CTU2: variants seen among roughly 807,000 people sequenced by gnomAD.
CTU2 encodes the protein cytosolic thiouridylase subunit 2.
A neutral mutation model predicts 64.1 loss-of-function variants in CTU2; 80 were observed. The ratio of observed to expected loss-of-function variants is 1.25; its 90% CI spans 1.04 to 1.50. The LOEUF (loss-of-function observed/expected upper bound fraction) is 1.50. Among genes scored for constraint, CTU2 ranks in the 40% most tolerant of loss-of-function variants. The pLI, the probability that CTU2 is intolerant of heterozygous loss-of-function variation, is 0.00. For synonymous variants in CTU2, 482 were observed against 285.3 expected (o/e 1.69, Z -6.95); for missense variants, 1,110 against 690.2 (o/e 1.61, Z -6.81).
chr16:88,713,793 C>T lies in CTU2; in HGVS notation c.1005+15C>T. 2 of 1,611,338 alleles carry T rather than the reference C, an allele frequency of 1.2e-6. No individual in the cohort carries two copies. The highest frequency in any genetic ancestry group is 1.7e-4 in the Middle Eastern group (1 of 6,058). On this transcript the variant is annotated intron_variant, in intron 9 of 14. Transcript: ENST00000453996. ...TCGACACCAAGGTGGGCCTTGTGGGCTGGGCAACCTCTCTCACCATTGACA... is the reference window on the plus strand; with the variant it reads ...TCGACACCAAGGTGGGCCTTGTGGGTTGGGCAACCTCTCTCACCATTGACA...
chr16:88,714,812 C>T lies in CTU2; in HGVS notation c.1353-48C>T, dbSNP rs147469744. 1.6e-3 allele frequency: 2,573 copies of T among 1,610,962 alleles called. 19 individuals carry two copies. The highest frequency in any genetic ancestry group is 0.015 in the African/African-American group (1,103 of 75,020). On this transcript the variant is annotated intron_variant, in intron 12 of 14. Coordinates refer to ENST00000453996, the MANE Select transcript of CTU2 (RefSeq NM_001012759.3). ...GGACCTGTCCTTACCCCACACTGCA[C>T]GGCATTGAGGTGCCAAGGTGGGCAC...
chr16:88,715,223 A>C lies in CTU2; in HGVS notation c.1520A>C (p.Asp507Ala), dbSNP rs1597437320. Reference sequence around the variant, plus strand: ...GAGATCCGGGACTGTCTGATTGAGGACAGTGACGACGAGGCGGGCCAGAGC... The same window carrying C: ...GAGATCCGGGACTGTCTGATTGAGGCCAGTGACGACGAGGCGGGCCAGAGC... ...LQEIRDCLIE[D>A]SDDEAGQS Residue 507 changes from aspartate (D) to alanine (A), a missense_variant, in exon 15 of 15, where the codon GAC becomes GCC. By Grantham distance (126) the Asp-to-Ala change is moderately radical (BLOSUM62 -2). Transcript: ENST00000453996. 1.2e-6 allele frequency: 2 copies of C among 1,612,262 alleles called. No individual in the cohort carries two copies. Among genetic ancestry groups the C allele is most frequent in the East Asian group, 4.5e-5 (2 of 44,878 alleles).
rs764499684 is a variant in CTU2 at position 88,714,669 on chromosome 16, A to T, written c.1284A>T (p.Thr428=). 6.2e-7 allele frequency: 1 copy of T among 1,611,686 alleles called. No individual in the cohort carries two copies. The highest frequency in any genetic ancestry group is 1.1e-5 in the South Asian group (1 of 91,028). The change falls in exon 12 of 15, where the codon ACA becomes ACT. Residue 428 remains threonine, a synonymous_variant. Transcript: ENST00000453996. The part of the protein sequence containing the change: ...QSPIPLTETR[T]PPGPCCSPGV... ...CCATCCCCCTGACTGAGACCCGGAC[A>T]CCCCCGGGGCCCTGCTGTTCTCCAG...
intron 9 of CTU2, among the ~76,000 whole-genome samples, 157 bp downstream of exon 9, chr16:88,713,935 G>C (rs1036020550): frequency 6.6e-6 from 1 of 152,238 alleles, no homozygotes; most frequent in African/African-American, 2.4e-5. Flanking sequence ...ACCCTGTGCC[G>C]TGAGGGTGTG....
At position 88,715,104 on chromosome 16, in the gene CTU2, G is replaced by A. The variant is rs1011606006; in HGVS notation, c.1476G>A (p.Gln492=). 1 of 1,588,650 alleles carries A rather than the reference G, an allele frequency of 6.3e-7. No individual in the cohort carries two copies. Among genetic ancestry groups the A allele is most frequent in the African/African-American group, 1.3e-5 (1 of 74,556 alleles). Residue 492 remains glutamine, a splice_region_variant and synonymous_variant, in exon 14 of 15, where the codon CAG becomes CAA. Coordinates refer to ENST00000453996, the MANE Select transcript of CTU2 (RefSeq NM_001012759.3). ...YILAEAQLRT[Q]RAWGLQEIRD... ...TGGCTGAGGCCCAGCTCCGCACACA[G>A]AGGTACTGGGGCCCACACTGCCGTG...
chr16:88,712,408 G>C, intron 6 of CTU2, 25 bp downstream of exon 6: 1 of 1,558,224 alleles, frequency 6.4e-7, no homozygotes, highest in Non-Finnish European at 8.7e-7. Context: ...CCTGGAAAGG[G>C]GTCCCGGAGG....
chr16:88,713,705 C>A lies in CTU2; in HGVS notation c.932C>A (p.Thr311Asn). The A allele has an allele frequency of 1.2e-6, 2 of 1,612,658 alleles. No homozygotes were observed. Among genetic ancestry groups the A allele is most frequent in the Non-Finnish European group, 1.7e-6 (2 of 1,179,886 alleles). ...GTGGTGCGGCCCATGCGGGACCACA[C>A]CCTGAAGGAGGTCGCTTTCTACAAC... ...VVVVRPMRDHTLKEVAFYNRL... is the reference protein window; with the variant it reads ...VVVVRPMRDHNLKEVAFYNRL... Residue 311 changes from threonine (T) to asparagine (N), a missense_variant, in exon 9 of 15, where the codon ACC (threonine) becomes AAC (asparagine). By Grantham distance (65) the Thr-to-Asn change is moderately conservative. Coordinates refer to ENST00000453996, the MANE Select transcript of CTU2 (RefSeq NM_001012759.3).
chr16:88,713,561 G>T, intron 8 of CTU2, 86 bp from the exon 9 acceptor site: 1 of 1,566,006 alleles, frequency 6.4e-7, no homozygotes, highest in Non-Finnish European at 8.7e-7. Flanking sequence ...TGGTGGTGGG[G>T]TCTGTGACCT....
Position 88,712,414 on chromosome 16 carries a change from G to A in CTU2, c.453+31G>A, listed in dbSNP as rs192000570. The A allele has an allele frequency of 1.4e-3, 2,190 of 1,543,284 alleles. 20 individuals are homozygous for A. The highest frequency in any genetic ancestry group is 0.014 in the African/African-American group (1,037 of 73,366). ...AGGGCTGTCCCTGGAAAGGGGTCCC[G>A]GAGGTGACCCCTGGGGGGCACCTGC... is the stretch of plus-strand genomic sequence containing the variant. On this transcript the variant is annotated intron_variant, in intron 6 of 14. Transcript: ENST00000453996.
chr16:88,714,400 T>G lies in CTU2; in HGVS notation c.1115T>G (p.Val372Gly), dbSNP rs1320913720. The change falls in exon 11 of 15, where the codon GTG (valine) becomes GGG (glycine). Residue 372 changes from valine to glycine, a missense_variant. Coordinates refer to ENST00000453996, the MANE Select transcript of CTU2 (RefSeq NM_001012759.3). ...GGCCACAGGACAAGTGAGAAGCTGGTGAAGGGCCCCCGGGATGGCCCTGCT... is the reference window on the plus strand; with the variant it reads ...GGCCACAGGACAAGTGAGAAGCTGGGGAAGGGCCCCCGGGATGGCCCTGCT... ...STVYRTSEKLVKGPRDGPAAG... is the reference protein window; with the variant it reads ...STVYRTSEKLGKGPRDGPAAG... 1 of 1,612,486 alleles carries G rather than the reference T, an allele frequency of 6.2e-7. No homozygotes were observed. The highest frequency in any genetic ancestry group is 8.5e-7 in the Non-Finnish European group (1 of 1,179,796).
chr16:88,706,723 C>A, intron 1 of CTU2, 125 bp downstream of exon 1: 1 of 672,726 alleles, frequency 1.5e-6, no homozygotes, highest in Non-Finnish European at 2.3e-6. Context: ...CGCTCCCTAG[C>A]ACTCGGGGAA....
chr16:88,708,117 A>G (rs11076701), intron 2 of CTU2, among the ~76,000 whole-genome samples: 136,703 of 152,272 alleles, frequency 0.9, 61,403 homozygotes, highest in Middle Eastern at 0.96. Flanking sequence ...CCTGGCCAAG[A>G]TAGGTACTTC....
In CTU2 at chr16:88,715,291, C is replaced by A; in HGVS notation, c.*40C>A. The A allele has an allele frequency of 1.3e-6, 2 of 1,596,726 alleles. No individual in the cohort carries two copies. The highest frequency in any genetic ancestry group is 1.7e-6 in the Non-Finnish European group (2 of 1,172,124). ...TTGCCGGGACAGCAGGCAGTGGCCA[C>A]CTGGTACACCACACTGGAGCCGGAA... On this transcript the variant is annotated 3_prime_UTR_variant, in exon 15 of 15. Transcript: ENST00000453996.
rs368782708 is a variant in CTU2, at chr16:88,711,640, G to C, written c.288G>C (p.Leu96=). 1.2e-6 allele frequency: 2 copies of C among 1,605,392 alleles called. No individual in the cohort carries two copies. The highest frequency in any genetic ancestry group is 2.7e-5 in the African/African-American group (2 of 74,820). Residue 96 remains leucine, a synonymous_variant, in exon 5 of 15, where the codon CTG becomes CTC. Transcript: ENST00000453996. ...SSMVWQVLEG[L]SQDSAKRLRF... ...CCTGCTGCTTCTCCCTCTAGGGCCT[G>C]AGCCAAGATTCTGCCAAAAGACTGC...
At chr16:88,707,814 T>TG (rs149274001) in intron 2 of CTU2, among the ~76,000 whole-genome samples, 233 of 149,744 alleles carry the variant, frequency 1.6e-3, no homozygotes, top group Admixed American at 3.0e-3. Context: ...TTGTTGTTGT[T>TG]TTTTTTGAGA....
chr16:88,714,893 GT>G lies in CTU2; in HGVS notation c.1387del (p.Cys463AlafsTer6). ...DPQACIEEQLCYSCRVNMKDL... is the reference protein window; with the variant it reads ...DPQACIEEQLXYSCRVNMKDL... ...CCCAAGCCTGCATTGAGGAGCAGCT[GT>G]GCTACAGCTGCCGCGTGAACATGAA... On this transcript the variant is annotated frameshift_variant, in exon 13 of 15. Transcript: ENST00000453996. LOFTEE classifies it high-confidence loss of function. 6.2e-7 allele frequency: 1 copy of G among 1,612,674 alleles called. No homozygotes were observed. Among genetic ancestry groups the G allele is most frequent in the Non-Finnish European group, 8.5e-7 (1 of 1,179,898 alleles).
rs116218944 is a variant in CTU2 at position 88,711,523 on chromosome 16, G to A, written c.283-112G>A. On this transcript the variant is annotated intron_variant, in intron 4 of 14. Coordinates refer to ENST00000453996, the MANE Select transcript of CTU2 (RefSeq NM_001012759.3). Reference sequence around the variant, plus strand: ...TCCAATAAACGCAATGGCAGGGGAAGACCACTTCACCTTCCAAGATGGCAT... The same window carrying A: ...TCCAATAAACGCAATGGCAGGGGAAAACCACTTCACCTTCCAAGATGGCAT... 10,551 of 1,110,032 alleles carry A rather than the reference G, an allele frequency of 9.5e-3. 92 individuals are homozygous for A. The highest frequency in any genetic ancestry group is 0.031 in the African/African-American group (1,976 of 63,188). The allele number at this position is 1,110,032 out of a possible 1,614,324, so 68.8% of individuals were successfully genotyped here.
rs769112654 is a variant in CTU2, at chr16:88,713,773, A to T, written c.1000A>T (p.Thr334Ser). The T allele has an allele frequency of 2.5e-6, 4 of 1,612,612 alleles. No homozygotes were observed. The highest frequency in any genetic ancestry group is 2.5e-6 in the Non-Finnish European group (3 of 1,179,840). Residue 334 changes from threonine (T) to serine (S), a missense_variant, in exon 9 of 15, where the codon ACC (threonine) becomes TCC (serine). Coordinates refer to ENST00000453996, the MANE Select transcript of CTU2 (RefSeq NM_001012759.3). The stretch of plus-strand genomic sequence containing the variant: ...TTCTGTCTTCACACCAGCCGTCGAC[A>T]CCAAGGTGGGCCTTGTGGGCTGGGC... ...VPSVFTPAVD[T>S]KAPEKASIHR... is the part of the protein sequence containing the mutation.
chr16:88,714,457 G>A lies in CTU2; in HGVS notation c.1172G>A (p.Cys391Tyr), dbSNP rs1911707124. 6.2e-7 allele frequency: 1 copy of A among 1,612,604 alleles called. No homozygotes were observed. The highest frequency in any genetic ancestry group is 8.5e-7 in the Non-Finnish European group (1 of 1,179,864). The change falls in exon 11 of 15, where the codon TGC becomes TAC. Residue 391 changes from cysteine (C) to tyrosine (Y), a missense_variant. Physicochemically the swap from Cys to Tyr is radical, Grantham distance 194. Coordinates refer to ENST00000453996, the MANE Select transcript of CTU2 (RefSeq NM_001012759.3). ...GACTCCGGCCCCCGCTGCCTCCTCT[G>A]CATGTGTGCCCTGGACGTCGACGCC... Reference protein sequence around the residue: ...AGDSGPRCLLCMCALDVDAAD... With the variant: ...AGDSGPRCLLYMCALDVDAAD...
Sources: gnomAD v4.1 joint callset for allele counts (sites outside exome capture counted in the v4.1 genomes callset) on GRCh38, gnomAD v4.1.1 for gene constraint, MANE v1.5 for transcripts, NCBI Gene and HGNC (gene_info 2026-07-23, HGNC 2026-07-21) for gene names.